CELF2: variants seen among roughly 807,000 people sequenced by gnomAD.
CELF2 encodes the protein CUGBP Elav-like family member 2, also known as CUG triplet repeat RNA-binding protein 2.
Under a neutral mutation model 62.6 loss-of-function variants are expected in CELF2, and 8 were observed. That is an observed-to-expected ratio of 0.13 (90% CI 0.07 to 0.23). The LOEUF is 0.23. CELF2 is among the 10% of genes least tolerant of loss of function. The pLI is 1.00. For synonymous variants in CELF2, 258 were observed against 250.0 expected (o/e 1.03, Z -0.30); for missense variants, 333 against 671.0 (o/e 0.50, Z 5.56).
At chr10:11,019,678 G>A (rs577133509) in intron 1 of CELF2, among the ~76,000 whole-genome samples, 2 of 152,140 alleles carry the variant, frequency 1.3e-5, no homozygotes, top group Non-Finnish European at 2.9e-5. Context: ...ATGTTAATTT[G>A]CTTGTACACG....
chr10:10,744,631 G>A, the CELF2 span, among the ~76,000 whole-genome samples: 1 of 151,590 alleles, frequency 6.6e-6, no homozygotes, highest in Non-Finnish European at 1.5e-5. Context: ...GTTGCTTTTT[G>A]TCTTAAATAT....
At chr10:11,189,261 C>G (rs2075752395) in intron 2 of CELF2, among the ~76,000 whole-genome samples, 1 of 152,166 alleles carries the variant, frequency 6.6e-6, no homozygotes, top group African/African-American at 2.4e-5. Flanking sequence ...AGAGGGACCT[C>G]TGCAGATCTC....
chr10:11,005,014 G>T, upstream of CELF2: 7 of 981,818 alleles, frequency 7.1e-6, no homozygotes, highest in Non-Finnish European at 8.5e-6. The surrounding 1 kb of genome is among the most constrained non-coding windows in gnomAD (Gnocchi z 4.3). Flanking sequence ...TGAGTTCCTT[G>T]GTTGTTGTTT....
chr10:11,240,610 AT>A (rs5783204), intron 3 of CELF2, among the ~76,000 whole-genome samples: 67,135 of 150,842 alleles, frequency 0.45, 15,099 homozygotes, highest in East Asian at 0.72. Context: ...CTCTAAAGCT[AT>A]TTTTTTTTTC....
At chr10:11,147,589 G>A (rs1289301982) in intron 1 of CELF2, among the ~76,000 whole-genome samples, 1 of 152,152 alleles carries the variant, frequency 6.6e-6, no homozygotes, top group African/African-American at 2.4e-5. Flanking sequence ...ATATAAACCA[G>A]GATGCCTTTG....
chr10:10,605,811 G>T, the CELF2 span, among the ~76,000 whole-genome samples: 1 of 152,200 alleles, frequency 6.6e-6, no homozygotes, highest in Non-Finnish European at 1.5e-5. Flanking sequence ...CATGCTTTTG[G>T]GAGGCTTCGT....
At chr10:10,688,821 A>G in the CELF2 span, among the ~76,000 whole-genome samples, 2 of 150,146 alleles carry the variant, frequency 1.3e-5, no homozygotes. Context: ...GCAACAAAAC[A>G]AAACTCTGTG....
At chr10:11,171,700 A>G (rs556899180) in intron 2 of CELF2, among the ~76,000 whole-genome samples, 16 of 152,358 alleles carry the variant, frequency 1.1e-4, no homozygotes, top group African/African-American at 3.1e-4. Context: ...CAGCTCATGC[A>G]GAGAATGAGC....
chr10:11,051,900 ACT>A (rs1491185387), intron 1 of CELF2, among the ~76,000 whole-genome samples: 3 of 117,552 alleles, frequency 2.6e-5, no homozygotes, highest in African/African-American at 1.1e-4. Context: ...TATTGTTAAT[ACT>A]TTTTTTTTTT....
chr10:10,840,868 T>C (rs952248249), intron 1 of CELF2, among the ~76,000 whole-genome samples: 26 of 151,172 alleles, frequency 1.7e-4, no homozygotes, highest in South Asian at 1.7e-3. Flanking sequence ...CAGGCCCCGG[T>C]GTGTGATGTT....
intron 5 of CELF2, 57 bp from the exon 6 acceptor site, chr10:11,266,541 C>T: frequency 3.6e-6 from 5 of 1,394,176 alleles, no homozygotes; most frequent in Non-Finnish European, 5.1e-6. Context: ...AAGCGTCCAA[C>T]CCTTTTGTCT....
the CELF2 span, among the ~76,000 whole-genome samples, chr10:10,723,565 C>A: frequency 1.3e-5 from 2 of 152,150 alleles, no homozygotes; most frequent in Non-Finnish European, 2.9e-5. Context: ...TTTTTTGAAT[C>A]TTGACCAAGA....
rs149030385 is a variant in CELF2, at chr10:11,218,729, C to G, written c.354+1222C>G. ...GGTCCTGCCCAGTTTCACTGCTTCT[C>G]TCTGAAACTGCTAAGGTGGTTCTTA... On this transcript the variant is annotated intron_variant, in intron 3 of 12. Transcript: ENST00000633077. Among the ~76,000 whole-genome samples the G allele has an allele frequency of 1.1e-3, 172 of 152,354 alleles. 2 individuals carry two copies. Among genetic ancestry groups the G allele is most frequent in the African/African-American group, 4.0e-3 (166 of 41,590 alleles).
chr10:11,038,215 G>C (rs1027758746), intron 1 of CELF2, among the ~76,000 whole-genome samples: 1 of 152,172 alleles, frequency 6.6e-6, no homozygotes, highest in African/African-American at 2.4e-5. Flanking sequence ...CAGCGTTCAG[G>C]GGGTGAACAT....
intron 2 of CELF2, among the ~76,000 whole-genome samples, chr10:10,953,756 A>G (rs2048573491): frequency 6.6e-6 from 1 of 152,112 alleles, no homozygotes. Flanking sequence ...AAATTCAGCT[A>G]CATTTTGAGA....
At chr10:11,281,858 C>T (rs540336155) in intron 8 of CELF2, among the ~76,000 whole-genome samples, 1 of 152,346 alleles carries the variant, frequency 6.6e-6, no homozygotes, top group East Asian at 1.9e-4. Flanking sequence ...AATGAAGACA[C>T]GATCACAAGT....
chr10:11,078,333 C>T (rs1405761795), intron 1 of CELF2, among the ~76,000 whole-genome samples: 1 of 152,150 alleles, frequency 6.6e-6, no homozygotes, highest in Non-Finnish European at 1.5e-5. Context: ...CTTTCATAAA[C>T]TTATGCTTTG....
the CELF2 span, among the ~76,000 whole-genome samples, chr10:10,644,217 A>G: frequency 1.3e-5 from 2 of 152,174 alleles, no homozygotes; most frequent in African/African-American, 4.8e-5. Context: ...GGTGAAATGG[A>G]TATTAGAAAA....
the CELF2 span, among the ~76,000 whole-genome samples, chr10:10,722,016 G>C: frequency 1.3e-5 from 2 of 152,160 alleles, no homozygotes; most frequent in African/African-American, 4.8e-5. Flanking sequence ...TAAACATAAA[G>C]TGTTGGCCAG....
Sources: gnomAD v4.1 joint callset for allele counts (sites outside exome capture counted in the v4.1 genomes callset) on GRCh38, gnomAD v4.1.1 for gene constraint, Gnocchi (gnomAD v3.1) non-coding constraint, MANE v1.5 for transcripts, NCBI Gene and HGNC (gene_info 2026-07-23, HGNC 2026-07-21) for gene names.